DCAF5: variants seen among roughly 807,000 people sequenced by gnomAD.
DCAF5 encodes the protein DDB1 and CUL4 associated factor 5.
A neutral mutation model predicts 80.7 loss-of-function variants in DCAF5; 9 were observed. The observed-to-expected ratio is 0.11, with a 90% CI of 0.07 to 0.19. The LOEUF is 0.19. DCAF5 is among the 10% of genes least tolerant of loss of function. The pLI is 1.00. For missense variants in DCAF5, 842 were observed against 1,205.7 expected, an observed-to-expected ratio of 0.70 and a Z score of 4.47; for synonymous variants, 433 against 461.9, an observed-to-expected ratio of 0.94 and a Z score of 0.80.
At chr14:69,105,043 T>C (rs182299003) in intron 5 of DCAF5, among the ~76,000 whole-genome samples, 67 of 152,278 alleles carry the variant, frequency 4.4e-4, no homozygotes, top group African/African-American at 1.5e-3. Context: ...GTTATGTTTT[T>C]TTTTTAATTA....
rs1462758266 is a variant in DCAF5 at position 69,118,494 on chromosome 14, T to A, written c.396-216A>T. Among the ~76,000 whole-genome samples the A allele has an allele frequency of 6.6e-6, 1 of 152,200 alleles. No individual in the cohort carries two copies. The highest frequency in any genetic ancestry group is 1.5e-5 in the Non-Finnish European group (1 of 68,030). Reference sequence around the variant, plus strand: ...GGAGTCTTTTTAGAGATTTTATAATTTTTGTGCTAAATAAGCATATTTAAA... The same window carrying A: ...GGAGTCTTTTTAGAGATTTTATAATATTTGTGCTAAATAAGCATATTTAAA... On this transcript the variant is annotated intron_variant, in intron 3 of 8. Transcript: ENST00000341516. The surrounding 1 kb of genome is among the most constrained non-coding windows in gnomAD (Gnocchi z 4.0).
At position 69,059,191 on chromosome 14, in the gene DCAF5, C is replaced by A. The variant is rs142169806; in HGVS notation, c.1074+3193G>T. 6.1e-3 allele frequency among the ~76,000 whole-genome samples: 931 copies of A among 152,186 alleles called. 6 individuals are homozygous for A. The highest frequency in any genetic ancestry group is 0.019 in the African/African-American group (798 of 41,516). ...AGCTTCAATCCTGGGCCCAAGTGAT[C>A]GTCCCACCTCAGCCTCCCGAGTAAC... is the stretch of plus-strand genomic sequence containing the variant. On this transcript the variant is annotated intron_variant, in intron 8 of 8. Coordinates refer to ENST00000341516, the MANE Select transcript of DCAF5 (RefSeq NM_003861.3).
At chr14:69,081,040 A>T (rs1257922410) in intron 6 of DCAF5, among the ~76,000 whole-genome samples, 1 of 151,256 alleles carries the variant, frequency 6.6e-6, no homozygotes, top group Non-Finnish European at 1.5e-5. Context: ...CAAATGTAAG[A>T]GGAAAAAATA....
In DCAF5 at chr14:69,092,333, T is replaced by C. The variant is rs556708317; in HGVS notation, c.666-446A>G. Among the ~76,000 whole-genome samples the C allele has an allele frequency of 1.7e-4, 26 of 152,232 alleles. No individual in the cohort carries two copies. The South Asian group carries it at 4.3e-3, about 25-fold the overall frequency. ...ATACAAGAACCATCAGTAAAAACAA[T>C]AGGCCGGGTGCAGTGGTTCAGGCCT... On this transcript the variant is annotated intron_variant, in intron 5 of 8. Transcript: ENST00000341516.
intron 5 of DCAF5, among the ~76,000 whole-genome samples, chr14:69,097,810 C>T (rs2039784718): frequency 6.6e-6 from 1 of 151,886 alleles, no homozygotes. Flanking sequence ...TGGTCTTGAA[C>T]TCTACTGACC....
At chr14:69,097,586 T>A (rs866624771) in intron 5 of DCAF5, among the ~76,000 whole-genome samples, 7,213 of 117,138 alleles carry the variant, frequency 0.062, 273 homozygotes, top group African/African-American at 0.17. Flanking sequence ...ATTATTATTT[T>A]TTTTTTTTTT....
At position 69,055,501 on chromosome 14, in the gene DCAF5, G is replaced by A. The variant is rs2056972086; in HGVS notation, c.1185C>T (p.Asn395=). 2.5e-6 allele frequency: 4 copies of A among 1,614,208 alleles called. No individual in the cohort carries two copies. Among genetic ancestry groups the A allele is most frequent in the Non-Finnish European group, 3.4e-6 (4 of 1,180,038 alleles). ...AGTCATGCGACAGGCCACTCCCACT[G>A]TTCAGCACAAGGCTGATGTACTCTT... The part of the protein sequence containing the change: ...THEEYISLVL[N]SGSGLSHDYA... The change falls in exon 9 of 9, where the codon AAC becomes AAT. Residue 395 remains asparagine, a synonymous_variant. Coordinates refer to ENST00000341516, the MANE Select transcript of DCAF5 (RefSeq NM_003861.3). This position sits in a 1 kb window ranked among gnomAD's most constrained non-coding sequence, Gnocchi z 5.6.
At chr14:69,138,536 G>T (rs554735805) in intron 1 of DCAF5, among the ~76,000 whole-genome samples, 2 of 152,204 alleles carry the variant, frequency 1.3e-5, no homozygotes, top group Admixed American at 6.5e-5. Context: ...CCACTTAGGA[G>T]TTTAACACTT....
chr14:69,096,548 G>C (rs1265674404), intron 5 of DCAF5, among the ~76,000 whole-genome samples: 12 of 152,160 alleles, frequency 7.9e-5, no homozygotes, highest in Admixed American at 7.9e-4. Flanking sequence ...TGGATGGCGG[G>C]CACTGCAGTG....
chr14:69,060,270 T>C (rs974087809), intron 8 of DCAF5, among the ~76,000 whole-genome samples: 1 of 152,146 alleles, frequency 6.6e-6, no homozygotes, highest in Non-Finnish European at 1.5e-5. Context: ...GCATGGCAAA[T>C]GTGGTGGTGA....
chr14:69,108,406 G>A (rs1196415706), intron 5 of DCAF5, among the ~76,000 whole-genome samples: 1 of 152,132 alleles, frequency 6.6e-6, no homozygotes. Context: ...TTGGGGGGTG[G>A]TGCAAAGGGA....
intron 1 of DCAF5, among the ~76,000 whole-genome samples, chr14:69,125,984 A>G (rs947755247): frequency 6.3e-4 from 96 of 152,176 alleles, no homozygotes; most frequent in African/African-American, 2.3e-3. Flanking sequence ...GTGAGATATA[A>G]GGTTAATATA....
intron 1 of DCAF5, among the ~76,000 whole-genome samples, chr14:69,138,301 T>C (rs1180520690): frequency 6.6e-6 from 1 of 152,160 alleles, no homozygotes; most frequent in African/African-American, 2.4e-5. Context: ...AAAGAATTCC[T>C]CCTCCTGAGT....
At chr14:69,065,843 G>T (rs1259631719) in intron 7 of DCAF5, among the ~76,000 whole-genome samples, 6 of 152,140 alleles carry the variant, frequency 3.9e-5, no homozygotes, top group African/African-American at 1.4e-4. Flanking sequence ...AAATTGGAAG[G>T]AGACAGGAAG....
intron 6 of DCAF5, chr14:69,084,521 G>C (rs1315163691): frequency 2.6e-6 from 2 of 764,904 alleles, no homozygotes; most frequent in Admixed American, 3.8e-5. Context: ...TCTGAAAAAG[G>C]AGCCATTGTA....
At chr14:69,140,608 GAAC>G (rs1359787511) in intron 1 of DCAF5, among the ~76,000 whole-genome samples, 7 of 151,714 alleles carry the variant, frequency 4.6e-5, no homozygotes, top group African/African-American at 1.7e-4. Flanking sequence ...ACTCTACAAA[GAAC>G]AACAACCCAT....
chr14:69,088,523 G>C (rs2139957213), intron 6 of DCAF5, among the ~76,000 whole-genome samples: 1 of 152,328 alleles, frequency 6.6e-6, no homozygotes, highest in East Asian at 1.9e-4. Flanking sequence ...ACCTAGGATA[G>C]TTTAAAAAGA....
chr14:69,087,863 G>A (rs1317520394), intron 6 of DCAF5, among the ~76,000 whole-genome samples: 1 of 152,162 alleles, frequency 6.6e-6, no homozygotes, highest in Non-Finnish European at 1.5e-5. Flanking sequence ...GACAGACCAT[G>A]GCACTAAACA....
intron 5 of DCAF5, among the ~76,000 whole-genome samples, chr14:69,102,619 C>CACACACACACACACACACACAT (rs1325776149): frequency 6.9e-6 from 1 of 144,046 alleles, no homozygotes; most frequent in South Asian, 2.2e-4. Flanking sequence ...CACACACACA[C>CACACACACACACACACACACAT]ATATTAGCCT....
Sources: allele counts gnomAD v4.1 joint callset (sites outside exome capture counted in the v4.1 genomes callset), GRCh38; gene constraint gnomAD v4.1.1; non-coding constraint Gnocchi (gnomAD v3.1); transcripts MANE v1.5; gene names NCBI Gene and HGNC (gene_info 2026-07-23, HGNC 2026-07-21).